Variants in TRIM35 observed in about 807,000 individuals in gnomAD.
TRIM35 encodes the protein tripartite motif containing 35, also known as E3 ubiquitin-protein ligase TRIM35.
A neutral mutation model predicts 49.1 loss-of-function variants in TRIM35; 37 were observed. The ratio of observed to expected loss-of-function variants is 0.75; its 90% CI spans 0.58 to 0.99. The LOEUF is 0.99. TRIM35 is among the 50% of genes least tolerant of loss of function. TRIM35 has a pLI of 0.00. For missense variants in TRIM35, 648 were observed against 702.7 expected (o/e 0.92, Z 0.88); for synonymous variants, 302 against 289.3 (o/e 1.04, Z -0.45).
In TRIM35 at chr8:27,287,807, G is replaced by T. The variant is rs983012078; in HGVS notation, c.1225C>A (p.His409Asn). Residue 409 changes from histidine to asparagine, a missense_variant, in exon 6 of 6, where the codon CAC becomes AAC. Physicochemically the swap from His to Asn is moderately conservative, Grantham distance 68 (BLOSUM62 1). Coordinates refer to ENST00000305364, the MANE Select transcript of TRIM35 (RefSeq NM_171982.5). This position sits in a 1 kb window ranked among gnomAD's most constrained non-coding sequence, Gnocchi z 6.0. ...GTGGCTGGGTCCGAGGTCACGCAGT[G>T]GTCCCCCTCCACGCCCTGCGTGCGG... Reference protein sequence around the residue: ...VCRTQGVEGDHCVTSDPATSP... With the variant: ...VCRTQGVEGDNCVTSDPATSP... The T allele has an allele frequency of 1.9e-6, 3 of 1,611,034 alleles. No homozygotes were observed. The African/African-American group carries it at 4.0e-5, about 22-fold the overall frequency.
intron 2 of TRIM35, among the ~76,000 whole-genome samples, chr8:27,295,429 G>A (rs117769045): frequency 6.6e-6 from 1 of 152,166 alleles, no homozygotes; most frequent in Non-Finnish European, 1.5e-5. Flanking sequence ...AAATACAGAT[G>A]CTCCTCAAGT....
rs925874889 is a variant in TRIM35, at chr8:27,286,458, A to T, written c.*1092T>A. 3.7e-6 allele frequency: 1 copy of T among 270,734 alleles called. No homozygotes were observed. The highest frequency in any genetic ancestry group is 4.7e-5 in the Admixed American group (1 of 21,410). 16.8% of individuals were successfully genotyped at this position (270,734 alleles called of 1,614,324 possible). A position where few individuals can be genotyped will look rare whatever the true frequency, so the allele number is the denominator to read the frequency against. ...CTTTCCTTCTTTTCTGCAGACGCTG[A>T]TGAGAATTAACCAGAGGAACTTCCT... On this transcript the variant is annotated 3_prime_UTR_variant, in exon 6 of 6. Coordinates refer to ENST00000305364, the MANE Select transcript of TRIM35 (RefSeq NM_171982.5).
rs772866152 is a variant in TRIM35 at position 27,289,277 on chromosome 8, G to C, written c.789C>G (p.Leu263=). 6 of 1,613,920 alleles carry C rather than the reference G, an allele frequency of 3.7e-6. No individual in the cohort carries two copies. Among genetic ancestry groups the C allele is most frequent in the Non-Finnish European group, 5.1e-6 (6 of 1,179,830 alleles). ...LMKHKSRKRR[L]FCTMEPEPVQ... is the part of the protein sequence containing the mutation. ...CTGGCTCTGGCTCCATGGTGCAGAAGAGTCTGGAAAAGTACAATGGGTATG... is the reference window on the plus strand; with the variant it reads ...CTGGCTCTGGCTCCATGGTGCAGAACAGTCTGGAAAAGTACAATGGGTATG... The change falls in exon 5 of 6, where the codon CTC becomes CTG. Residue 263 remains leucine, a synonymous_variant. Coordinates refer to ENST00000305364, the MANE Select transcript of TRIM35 (RefSeq NM_171982.5).
At chr8:27,301,438 G>C (rs1185034837) in intron 1 of TRIM35, among the ~76,000 whole-genome samples, 1 of 152,198 alleles carries the variant, frequency 6.6e-6, no homozygotes, top group Non-Finnish European at 1.5e-5. Context: ...GTTTTCCAAA[G>C]CAGTGGTACC....
Position 27,285,061 on chromosome 8 carries a change from T to C in TRIM35, c.*2489A>G, listed in dbSNP as rs1802282789. On this transcript the variant is annotated 3_prime_UTR_variant, in exon 6 of 6. Coordinates refer to ENST00000305364, the MANE Select transcript of TRIM35 (RefSeq NM_171982.5). ...CCAATTAAAAAATGAGCAAGTGATC[T>C]AAAGATAGCTGTCCTAAGAAGATAT... 6.6e-6 allele frequency: 1 copy of C among 152,150 alleles called. No individual in the cohort carries two copies. The highest frequency in any genetic ancestry group is 6.5e-5 in the Admixed American group (1 of 15,280). The allele number at this position is 152,150 out of a possible 1,614,324, so 9.4% of individuals were successfully genotyped here.
At chr8:27,293,380 T>C (rs1205482376) in intron 3 of TRIM35, among the ~76,000 whole-genome samples, 1 of 152,158 alleles carries the variant, frequency 6.6e-6, no homozygotes, top group African/African-American at 2.4e-5. Context: ...AATACTGTTT[T>C]TTTAAAGAGA....
In TRIM35 at chr8:27,286,199, TAA is replaced by T. The variant is rs1222978596; in HGVS notation, c.*1349_*1350del. ...TCCTGGGACATGATGAGCTGAAGAT[TAA>T]AAACTCTTCAGAGATGTGCGAGAAA... On this transcript the variant is annotated 3_prime_UTR_variant, in exon 6 of 6. Coordinates refer to ENST00000305364, the MANE Select transcript of TRIM35 (RefSeq NM_171982.5). 2.2e-6 allele frequency: 1 copy of T among 456,040 alleles called. No homozygotes were observed. Among genetic ancestry groups the T allele is most frequent in the South Asian group, 1.5e-5 (1 of 64,520 alleles). 28.2% of individuals were successfully genotyped at this position (456,040 alleles called of 1,614,324 possible).
intron 4 of TRIM35, 52 bp downstream of exon 4, chr8:27,290,104 C>T: frequency 6.2e-7 from 1 of 1,612,438 alleles, no homozygotes. Context: ...GTTTGCACCC[C>T]TGGTATTTCT....
intron 1 of TRIM35, among the ~76,000 whole-genome samples, chr8:27,306,325 C>A (rs1212179903): frequency 8.0e-6 from 1 of 125,006 alleles, no homozygotes; most frequent in Non-Finnish European, 1.7e-5. Flanking sequence ...TTCTTTTTTT[C>A]TTTCTTTTTT....
chr8:27,294,895 C>CA (rs1802535297), intron 2 of TRIM35, among the ~76,000 whole-genome samples: 1 of 151,916 alleles, frequency 6.6e-6, no homozygotes, highest in South Asian at 2.1e-4. Flanking sequence ...GATCTTGGCT[C>CA]ACTGCAACCT....
At chr8:27,307,816 G>T (rs1377057128) in intron 1 of TRIM35, among the ~76,000 whole-genome samples, 1 of 152,100 alleles carries the variant, frequency 6.6e-6, no homozygotes, top group African/African-American at 2.4e-5. Flanking sequence ...CTATAAAATG[G>T]GGATAATAGC....
rs1425301599 is a variant in TRIM35, at chr8:27,311,265, A to G, written c.-30T>C. On this transcript the variant is annotated 5_prime_UTR_variant, in exon 1 of 6. Coordinates refer to ENST00000305364, the MANE Select transcript of TRIM35 (RefSeq NM_171982.5). ...CGAGCAGCCGGCTCGGGCGCCCGGA[A>G]CTTTTGCTCCGGCCCCTCCCACCCG... The G allele has an allele frequency of 3.4e-6, 5 of 1,472,150 alleles. No individual in the cohort carries two copies. In the Admixed American group the frequency reaches 9.9e-5, roughly 29 times the overall value. The allele number at this position is 1,472,150 out of a possible 1,614,324, so 91.2% of individuals were successfully genotyped here. A position where few individuals can be genotyped will look rare whatever the true frequency, so the allele number is the denominator to read the frequency against.
chr8:27,294,034 T>G, intron 3 of TRIM35, 46 bp downstream of exon 3: 1 of 1,588,516 alleles, frequency 6.3e-7, no homozygotes, highest in South Asian at 1.1e-5. Context: ...CAGCTGGTCC[T>G]GGAACATGTG....
chr8:27,305,970 G>T (rs1287486084), intron 1 of TRIM35, among the ~76,000 whole-genome samples: 1 of 152,124 alleles, frequency 6.6e-6, no homozygotes, highest in African/African-American at 2.4e-5. Context: ...TCGAGTAGCT[G>T]GGACTACAGG....
chr8:27,294,127 C>T lies in TRIM35; in HGVS notation c.715G>A (p.Glu239Lys), dbSNP rs771021049. Residue 239 changes from glutamate (E) to lysine (K), a missense_variant, in exon 3 of 6, where the codon GAG becomes AAG. Transcript: ENST00000305364. Reference sequence around the variant, plus strand: ...TCCTTCATCTCCATCTGCAGCCGCTCGATCTCATGTGCCAGCACCTCCGTC... The same window carrying T: ...TCCTTCATCTCCATCTGCAGCCGCTTGATCTCATGTGCCAGCACCTCCGTC... ...EETEVLAHEI[E>K]RLQMEMKEDD... 1.2e-6 allele frequency: 2 copies of T among 1,614,218 alleles called. No individual in the cohort carries two copies. Among genetic ancestry groups the T allele is most frequent in the Non-Finnish European group, 1.7e-6 (2 of 1,180,044 alleles).
In TRIM35 at chr8:27,287,975, G is replaced by T. The variant is rs768630421; in HGVS notation, c.1057C>A (p.Gln353Lys). The T allele has an allele frequency of 8.7e-6, 14 of 1,613,316 alleles. No homozygotes were observed. The highest frequency in any genetic ancestry group is 1.1e-5 in the Non-Finnish European group (13 of 1,179,972). Residue 353 changes from glutamine to lysine, a missense_variant, in exon 6 of 6, where the codon CAG becomes AAG. Gln to Lys is a moderately conservative substitution (Grantham distance 53). Coordinates refer to ENST00000305364, the MANE Select transcript of TRIM35 (RefSeq NM_171982.5). This position sits in a 1 kb window ranked among gnomAD's most constrained non-coding sequence, Gnocchi z 6.0. ...GCCACCTCCCAGGCGTGCGAGCCCT[G>T]TGAGAAGACACGGGAGCCCAGCAGG... Reference protein sequence around the residue: ...PCLLGSRVFSQGSHAWEVALG... With the variant: ...PCLLGSRVFSKGSHAWEVALG...
intron 2 of TRIM35, among the ~76,000 whole-genome samples, chr8:27,295,982 T>C (rs1802557339): frequency 1.3e-5 from 2 of 152,140 alleles, no homozygotes; most frequent in Admixed American, 6.5e-5. Context: ...AAAAAAAGAA[T>C]GTGAATTAGC....
intron 3 of TRIM35, 76 bp from the exon 4 acceptor site, chr8:27,290,254 A>T: frequency 7.1e-7 from 1 of 1,411,602 alleles, no homozygotes; most frequent in Non-Finnish European, 1.0e-6. Flanking sequence ...ACCTCAAAAG[A>T]AGTCATGCAT....
chr8:27,303,366 C>T (rs1363977673), intron 1 of TRIM35, among the ~76,000 whole-genome samples: 5 of 152,130 alleles, frequency 3.3e-5, no homozygotes, highest in Non-Finnish European at 7.4e-5. Flanking sequence ...ATTTACTACA[C>T]ATTTTTTATT....
Sources: allele counts gnomAD v4.1 joint callset (sites outside exome capture counted in the v4.1 genomes callset), GRCh38; gene constraint gnomAD v4.1.1; non-coding constraint Gnocchi (gnomAD v3.1); transcripts MANE v1.5; gene names NCBI Gene and HGNC (gene_info 2026-07-23, HGNC 2026-07-21).